Variants in TBC1D1 observed in about 807,000 individuals in gnomAD.
TBC1D1 encodes the protein TBC1 domain family member 1.
In TBC1D1, 89 loss-of-function variants were observed where a neutral mutation model predicts 125.6. The ratio of observed to expected loss-of-function variants is 0.71; its 90% confidence interval spans 0.60 to 0.85. The LOEUF (loss-of-function observed/expected upper bound fraction) is 0.85. Ranked by LOEUF, TBC1D1 falls within the 40% of genes least tolerant of loss-of-function variation. TBC1D1 has a pLI of 0.00. For missense variants in TBC1D1, 1,377 were observed against 1,469.2 expected, an observed-to-expected ratio of 0.94 and a Z score of 1.03; for synonymous variants, 565 against 564.1, an observed-to-expected ratio of 1.00 and a Z score of -0.02.
At chr4:38,078,213 A>G (rs1337056367) in intron 12 of TBC1D1, among the ~76,000 whole-genome samples, 2 of 152,180 alleles carry the variant, frequency 1.3e-5, no homozygotes, top group African/African-American at 2.4e-5. Context: ...CTCCCGCTTC[A>G]AAAAAATTCT....
intron 2 of TBC1D1, chr4:38,006,922 G>A (rs1295674749): frequency 4.4e-6 from 2 of 452,844 alleles, no homozygotes; most frequent in African/African-American, 2.0e-5. Flanking sequence ...GTGTTCCCAT[G>A]AGTGTGGAGT....
rs376074014 is a variant in TBC1D1, at chr4:38,038,272, A to G, written c.1413+2574A>G. 1.3e-4 allele frequency among the ~76,000 whole-genome samples: 20 copies of G among 152,324 alleles called. No individual in the cohort carries two copies. In the South Asian group the frequency reaches 4.1e-3, roughly 32 times the overall value. ...TTTTCTTGGGTCTGTTTTCTAGTAG[A>G]TAAGATTTTCTTTCTTTTTTTGTGA... is the stretch of plus-strand genomic sequence containing the variant. On this transcript the variant is annotated intron_variant, in intron 8 of 19. Coordinates refer to ENST00000261439, the MANE Select transcript of TBC1D1 (RefSeq NM_015173.4).
chr4:37,967,364 G>A (rs1235220496), intron 2 of TBC1D1, among the ~76,000 whole-genome samples: 4 of 151,926 alleles, frequency 2.6e-5, no homozygotes, highest in African/African-American at 7.3e-5. Context: ...GCGCAGTGGC[G>A]TGTGCCTGTA....
intron 2 of TBC1D1, chr4:37,961,055 G>C: frequency 6.2e-7 from 1 of 1,604,768 alleles, no homozygotes; most frequent in South Asian, 1.1e-5. Flanking sequence ...ATTTCTTAGT[G>C]CTTTGGAGTT....
chr4:38,092,566 A>T (rs2152541730), intron 13 of TBC1D1, among the ~76,000 whole-genome samples: 1 of 151,854 alleles, frequency 6.6e-6, no homozygotes, highest in Non-Finnish European at 1.5e-5. Context: ...CCCTGTCTCT[A>T]CTATAATTAC....
At chr4:37,982,255 TA>T (rs1734480652) in intron 2 of TBC1D1, among the ~76,000 whole-genome samples, 2 of 152,222 alleles carry the variant, frequency 1.3e-5, no homozygotes, top group Non-Finnish European at 2.9e-5. Flanking sequence ...TGAATCTGAC[TA>T]TAGCAAATAT....
chr4:37,940,638 C>G (rs1322669231), intron 2 of TBC1D1, among the ~76,000 whole-genome samples: 1 of 152,178 alleles, frequency 6.6e-6, no homozygotes, highest in South Asian at 2.1e-4. Context: ...TTTGCCCATT[C>G]AGTATGCTAT....
At position 37,934,566 on chromosome 4, in the gene TBC1D1, T is replaced by C. The variant is rs183968299; in HGVS notation, c.417+32054T>C. On this transcript the variant is annotated intron_variant, in intron 2 of 19. Coordinates refer to ENST00000261439, the MANE Select transcript of TBC1D1 (RefSeq NM_015173.4). ...CCTGAGAGTTGATGCATATGGCTTC[T>C]GACAGAAGAAAAGATAGAAGAGTGG... 2.4e-4 allele frequency among the ~76,000 whole-genome samples: 36 copies of C among 152,290 alleles called. 1 individual carries two copies. In the East Asian group the frequency reaches 6.8e-3, roughly 29 times the overall value.
chr4:37,900,999 G>C (rs915044116), intron 1 of TBC1D1, among the ~76,000 whole-genome samples: 1 of 151,698 alleles, frequency 6.6e-6, no homozygotes, highest in Non-Finnish European at 1.5e-5. Flanking sequence ...TTGAACCCAG[G>C]GGGTGGAGGT....
In TBC1D1 at chr4:38,049,868, C is replaced by T. The variant is rs755633533; in HGVS notation, c.1880C>T (p.Ser627Leu). Reference sequence around the variant, plus strand: ...CAAAGGAAACTTATGAGGTATCACTCAGTGAGCACAGAGACGCCTCATGAA... The same window carrying T: ...CAAAGGAAACTTATGAGGTATCACTTAGTGAGCACAGAGACGCCTCATGAA... The change falls in exon 11 of 20, where the codon TCA becomes TTA. Residue 627 changes from serine to leucine, a missense_variant. Transcript: ENST00000261439. 3 of 1,613,648 alleles carry T rather than the reference C, an allele frequency of 1.9e-6. No homozygotes were observed. Among genetic ancestry groups the T allele is most frequent in the East Asian group, 2.2e-5 (1 of 44,874 alleles).
intron 12 of TBC1D1, among the ~76,000 whole-genome samples, chr4:38,056,942 T>C (rs1751828287): frequency 6.6e-6 from 1 of 152,218 alleles, no homozygotes; most frequent in African/African-American, 2.4e-5. Context: ...CAGTAAGTTG[T>C]ATATATTTGC....
intron 12 of TBC1D1, among the ~76,000 whole-genome samples, chr4:38,083,051 C>T (rs1396191529): frequency 6.6e-6 from 1 of 152,116 alleles, no homozygotes; most frequent in Non-Finnish European, 1.5e-5. Context: ...CGTATGGCTC[C>T]CATCTCAGGC....
At chr4:37,943,307 A>G (rs1725971305) in intron 2 of TBC1D1, among the ~76,000 whole-genome samples, 1 of 152,024 alleles carries the variant, frequency 6.6e-6, no homozygotes, top group Non-Finnish European at 1.5e-5. Context: ...TCTGACAATT[A>G]TGTGTCTTGG....
intron 12 of TBC1D1, among the ~76,000 whole-genome samples, chr4:38,075,459 G>T (rs1755424853): frequency 6.6e-6 from 1 of 152,162 alleles, no homozygotes; most frequent in Non-Finnish European, 1.5e-5. Context: ...GGTTTTCCAG[G>T]TGGAAAGGTC....
Position 38,137,427 on chromosome 4 carries a change from GA to G in TBC1D1, c.*94del. 7.5e-7 allele frequency: 1 copy of G among 1,342,250 alleles called. No homozygotes were observed. The highest frequency in any genetic ancestry group is 9.6e-7 in the Non-Finnish European group (1 of 1,042,738). The allele number at this position is 1,342,250 out of a possible 1,614,324, so 83.1% of individuals were successfully genotyped here. On this transcript the variant is annotated 3_prime_UTR_variant, in exon 20 of 20. Coordinates refer to ENST00000261439, the MANE Select transcript of TBC1D1 (RefSeq NM_015173.4). Reference sequence around the variant, plus strand: ...ACGCTGGAAGGAGAGAAGGAAGCGGGAAGTGTGCTTCTCAGGGAGGAAACCG... The same window carrying G: ...ACGCTGGAAGGAGAGAAGGAAGCGGGAGTGTGCTTCTCAGGGAGGAAACCG...
At chr4:38,021,271 A>G (rs943460165) in intron 5 of TBC1D1, among the ~76,000 whole-genome samples, 2 of 152,170 alleles carry the variant, frequency 1.3e-5, no homozygotes, top group Admixed American at 1.3e-4. Context: ...CACTCCCATG[A>G]TTCAATTACC....
At chr4:37,972,680 C>G (rs4832974) in intron 2 of TBC1D1, among the ~76,000 whole-genome samples, 2 of 151,256 alleles carry the variant, frequency 1.3e-5, no homozygotes, top group Non-Finnish European at 2.9e-5. Flanking sequence ...CCGAGGCGGG[C>G]GGGTCACCTG....
At chr4:37,962,888 T>C (rs1420215557) in intron 2 of TBC1D1, among the ~76,000 whole-genome samples, 1 of 152,218 alleles carries the variant, frequency 6.6e-6, no homozygotes, top group Admixed American at 6.5e-5. Flanking sequence ...CAGCTGGCCT[T>C]TGATTTAAAG....
intron 12 of TBC1D1, among the ~76,000 whole-genome samples, chr4:38,085,194 T>C (rs1409288074): frequency 2.0e-5 from 3 of 152,332 alleles, no homozygotes; most frequent in East Asian, 3.9e-4. Flanking sequence ...GCATAGATCA[T>C]ATTTATGACT....
Sources: allele counts gnomAD v4.1 joint callset (sites outside exome capture counted in the v4.1 genomes callset), GRCh38; gene constraint gnomAD v4.1.1; transcripts MANE v1.5; gene names NCBI Gene and HGNC (gene_info 2026-07-23, HGNC 2026-07-21).